The following RERE variants were observed in gnomAD, a reference collection of about 807,000 sequenced individuals.
RERE encodes the protein arginine-glutamic acid dipeptide repeats.
In RERE, 40 loss-of-function variants were observed where a neutral mutation model predicts 146.1. The observed-to-expected ratio is 0.27, with a 90% confidence interval of 0.21 to 0.36. RERE has a LOEUF of 0.36. Among genes scored for constraint, RERE ranks in the 10% least tolerant of loss-of-function variants. The probability of loss-of-function intolerance (pLI) is 1.00; values close to 1 mark genes in which losing one functional copy is unlikely to be tolerated. For synonymous variants in RERE, 1,003 were observed against 866.0 expected (o/e 1.16, Z -2.78); for missense variants, 1,933 against 2,138.7 (o/e 0.90, Z 1.90).
At position 8,356,067 on chromosome 1, in the gene RERE, G is replaced by A. The variant is rs376936047; in HGVS notation, c.4486+33C>T. 1.2e-4 allele frequency: 173 copies of A among 1,462,918 alleles called. No homozygotes were observed. The highest frequency in any genetic ancestry group is 1.5e-4 in the Non-Finnish European group (168 of 1,110,178). 90.6% of individuals were successfully genotyped at this position (1,462,918 alleles called of 1,614,324 possible). ...CAGACCCCAACCCAACCCTCACACG[G>A]CCTCCCCGCCCCTCCTGGAGGGGAA... On this transcript the variant is annotated intron_variant, in intron 21 of 22. Transcript: ENST00000400908. The surrounding 1 kb of genome is among the most constrained non-coding windows in gnomAD (Gnocchi z 5.2).
chr1:8,699,991 C>T (rs553596308), intron 1 of RERE, among the ~76,000 whole-genome samples: 20 of 152,250 alleles, frequency 1.3e-4, no homozygotes, highest in Admixed American at 7.2e-4. Flanking sequence ...TTTGTTTCTA[C>T]GACTTTTGCT....
At chr1:8,597,155 G>C (rs777574914) in intron 4 of RERE, among the ~76,000 whole-genome samples, 1 of 150,350 alleles carries the variant, frequency 6.7e-6, no homozygotes, top group Admixed American at 6.6e-5. Flanking sequence ...TGGCGTGATC[G>C]TGGCTCACTG....
intron 1 of RERE, among the ~76,000 whole-genome samples, chr1:8,685,745 A>G (rs567806387): frequency 2.0e-5 from 3 of 152,354 alleles, no homozygotes; most frequent in Non-Finnish European, 2.9e-5. Flanking sequence ...CAGGTGGTAC[A>G]ATGTATAAAC....
chr1:8,794,480 A>G (rs746450487), intron 1 of RERE, among the ~76,000 whole-genome samples: 6 of 152,156 alleles, frequency 3.9e-5, no homozygotes, highest in South Asian at 2.1e-4. Context: ...GTGGCAGGGA[A>G]AACTGCTACC....
At chr1:8,586,376 C>T (rs1371354412) in intron 4 of RERE, among the ~76,000 whole-genome samples, 3 of 152,134 alleles carry the variant, frequency 2.0e-5, no homozygotes, top group South Asian at 2.1e-4. Context: ...TGGCTGGCCA[C>T]GTCCTGTTTC....
At chr1:8,380,597 T>C (rs1019673694) in intron 12 of RERE, 13 of 339,958 alleles carry the variant, frequency 3.8e-5, no homozygotes, top group Non-Finnish European at 6.4e-5. Flanking sequence ...TCCACCTGCC[T>C]TGGCCTCCTA....
In RERE at chr1:8,804,007, AAATATT is replaced by A. The variant is rs1467752742; in HGVS notation, c.-145+13147_-145+13152del. On this transcript the variant is annotated intron_variant, in intron 1 of 22. Transcript: ENST00000400908. ...GTTTTATAAAGCTAGATTTCCTAAGAAATATTAATATTAATGAAAACTTTTCTCAAT... is the reference window on the plus strand; with the variant it reads ...GTTTTATAAAGCTAGATTTCCTAAGAAATATTAATGAAAACTTTTCTCAAT... 5.3e-5 allele frequency among the ~76,000 whole-genome samples: 8 copies of A among 152,358 alleles called. No homozygotes were observed. The South Asian group carries it at 1.4e-3, about 28-fold the overall frequency.
At chr1:8,696,395 C>G (rs945895801) in intron 1 of RERE, among the ~76,000 whole-genome samples, 2 of 152,086 alleles carry the variant, frequency 1.3e-5, no homozygotes, top group African/African-American at 2.4e-5. Flanking sequence ...AGCAGATCAC[C>G]CGAGCTCAAG....
intron 1 of RERE, among the ~76,000 whole-genome samples, chr1:8,733,700 A>C (rs1294089126): frequency 3.3e-5 from 5 of 152,246 alleles, no homozygotes; most frequent in African/African-American, 1.2e-4. Flanking sequence ...AAGGGACCTC[A>C]AGCCACTCCT....
intron 1 of RERE, among the ~76,000 whole-genome samples, chr1:8,685,238 T>C (rs1639058391): frequency 6.6e-6 from 1 of 152,238 alleles, no homozygotes; most frequent in Non-Finnish European, 1.5e-5. Flanking sequence ...TTCAACAGTT[T>C]ACCTACTACA....
At chr1:8,693,169 C>T (rs538536455) in intron 1 of RERE, among the ~76,000 whole-genome samples, 1 of 152,294 alleles carries the variant, frequency 6.6e-6, no homozygotes, top group East Asian at 1.9e-4. Flanking sequence ...AGAGACACCT[C>T]GCAAGACAGC....
In RERE at chr1:8,359,960, T is replaced by C; in HGVS notation, c.3422A>G (p.Tyr1141Cys). Residue 1141 changes from tyrosine to cysteine, a missense_variant, in exon 19 of 23, where the codon TAC (tyrosine) becomes TGC (cysteine). Transcript: ENST00000400908. ...CAGGTCTGTCCGGGCACACGAGTTG[T>C]AGCCCCGGTCCAGGTGTTTGTAGAA... ...ARFYKHLDRG[Y>C]NSCARTDLYF... 6.2e-7 allele frequency: 1 copy of C among 1,613,030 alleles called. No individual in the cohort carries two copies. The highest frequency in any genetic ancestry group is 8.5e-7 in the Non-Finnish European group (1 of 1,180,020).
chr1:8,427,708 C>T (rs923963841), intron 11 of RERE, among the ~76,000 whole-genome samples: 15 of 150,296 alleles, frequency 1.0e-4, no homozygotes, highest in Admixed American at 9.9e-4. Flanking sequence ...CTATGGAAAG[C>T]CACAAGGCCT....
intron 7 of RERE, chr1:8,526,092 T>C (rs897524544): frequency 8.9e-7 from 1 of 1,119,402 alleles, no homozygotes; most frequent in African/African-American, 1.6e-5. Flanking sequence ...CTGCAGCTTC[T>C]CCCTGCACAC....
chr1:8,504,555 A>C (rs1645223898), intron 8 of RERE, among the ~76,000 whole-genome samples: 1 of 152,226 alleles, frequency 6.6e-6, no homozygotes, highest in Non-Finnish European at 1.5e-5. Flanking sequence ...TAATGGATCT[A>C]AGAAATAATC....
rs1389350741 is a variant in RERE, at chr1:8,722,214, C to G, written c.-144-65773G>C. 2.0e-5 allele frequency among the ~76,000 whole-genome samples: 3 copies of G among 152,186 alleles called. No individual in the cohort carries two copies. The East Asian group carries it at 5.8e-4, about 29-fold the overall frequency. On this transcript the variant is annotated intron_variant, in intron 1 of 22. Transcript: ENST00000400908. ...CTTCTGACAGAAACACAACTCAATC[C>G]ACGCACAGGTCTTCCTGCCTCAACC...
At chr1:8,399,426 C>A (rs1006460404) in intron 12 of RERE, among the ~76,000 whole-genome samples, 1 of 152,130 alleles carries the variant, frequency 6.6e-6, no homozygotes, top group Non-Finnish European at 1.5e-5. Flanking sequence ...TGGTCCCAAA[C>A]CATTTACTGA....
intron 12 of RERE, among the ~76,000 whole-genome samples, chr1:8,382,860 G>C (rs1642505144): frequency 6.6e-6 from 1 of 152,092 alleles, no homozygotes; most frequent in Non-Finnish European, 1.5e-5. Context: ...CTCCTTTATA[G>C]GGTTGTGGTG....
rs564189894 is a variant in RERE, at chr1:8,709,452, C to T, written c.-144-53011G>A. 1.4e-4 allele frequency among the ~76,000 whole-genome samples: 21 copies of T among 152,082 alleles called. No individual in the cohort carries two copies. In the Middle Eastern group the frequency reaches 0.024, roughly 172 times the overall value. On this transcript the variant is annotated intron_variant, in intron 1 of 22. Coordinates refer to ENST00000400908, the MANE Select transcript of RERE (RefSeq NM_001042681.2). ...ATTTTTTTTAGAGTATATGGTCCTA[C>T]GGAAAATCCAAGCAATTCCACTTAA...
Sources: allele counts gnomAD v4.1 joint callset (sites outside exome capture counted in the v4.1 genomes callset), GRCh38; gene constraint gnomAD v4.1.1; non-coding constraint Gnocchi (gnomAD v3.1); transcripts MANE v1.5; gene names NCBI Gene and HGNC (gene_info 2026-07-23, HGNC 2026-07-21).